The following RGS7 variants were observed in gnomAD, a reference collection of about 807,000 sequenced individuals.
RGS7 encodes the protein regulator of G protein signaling 7.
Under a neutral mutation model 81.1 loss-of-function variants are expected in RGS7, and 27 were observed. The ratio of observed to expected loss-of-function variants is 0.33; its 90% CI spans 0.25 to 0.46. The LOEUF is 0.46. RGS7 is among the 20% of genes least tolerant of loss of function. The probability of loss-of-function intolerance (pLI) is 1.00; values close to 1 mark genes in which losing one functional copy is unlikely to be tolerated. For synonymous variants in RGS7, 208 were observed against 207.7 expected (o/e 1.00, Z -0.01); for missense variants, 396 against 607.4 (o/e 0.65, Z 3.66).
At chr1:240,786,370 A>G (rs1685073029) in intron 18 of RGS7, among the ~76,000 whole-genome samples, 1 of 152,170 alleles carries the variant, frequency 6.6e-6, no homozygotes, top group Non-Finnish European at 1.5e-5. Context: ...ATTTTGTTCA[A>G]TTACCCATGT....
chr1:240,972,722 A>C (rs1027762383), intron 4 of RGS7, among the ~76,000 whole-genome samples: 71 of 139,632 alleles, frequency 5.1e-4, no homozygotes, highest in African/African-American at 1.6e-3. Flanking sequence ...AAAAAAAAAA[A>C]CCCAAAAAGG....
intron 2 of RGS7, among the ~76,000 whole-genome samples, chr1:241,198,386 G>GA (rs1215969797): frequency 6.6e-6 from 1 of 151,572 alleles, no homozygotes; most frequent in African/African-American, 2.4e-5. Context: ...CATAATAGAA[G>GA]AATAACTAAG....
chr1:240,904,021 TC>T (rs1670431180), intron 6 of RGS7, among the ~76,000 whole-genome samples: 1 of 152,162 alleles, frequency 6.6e-6, no homozygotes, highest in African/African-American at 2.4e-5. Flanking sequence ...CGCTATTCCT[TC>T]CTAGCAACAC....
chr1:241,345,259 AG>A (rs1407667769), intron 2 of RGS7, among the ~76,000 whole-genome samples: 1 of 152,182 alleles, frequency 6.6e-6, no homozygotes, highest in Non-Finnish European at 1.5e-5. Flanking sequence ...GAGAGAGGAG[AG>A]GATCAGGAAA....
intron 3 of RGS7, among the ~76,000 whole-genome samples, chr1:241,020,088 G>C (rs1487622028): frequency 6.6e-6 from 1 of 152,164 alleles, no homozygotes; most frequent in Non-Finnish European, 1.5e-5. Context: ...ATCTCTATGT[G>C]CATTAGTTTT....
intron 6 of RGS7, among the ~76,000 whole-genome samples, chr1:240,923,398 T>C (rs566579981): frequency 5.5e-4 from 83 of 152,212 alleles, no homozygotes; most frequent in African/African-American, 1.9e-3. Context: ...TTTTTAATTA[T>C]AGGGGAACGT....
intron 2 of RGS7, among the ~76,000 whole-genome samples, chr1:241,128,074 C>G (rs932467797): frequency 3.3e-5 from 5 of 150,280 alleles, no homozygotes; most frequent in East Asian, 2.0e-4. Context: ...GTCAGGAGAC[C>G]GAGACCATCC....
chr1:241,107,149 C>G (rs138349658), intron 2 of RGS7, among the ~76,000 whole-genome samples: 44 of 152,248 alleles, frequency 2.9e-4, no homozygotes, highest in Admixed American at 7.2e-4. Flanking sequence ...TGCTTACTGC[C>G]CCCTCCACTC....
At chr1:241,147,308 G>A (rs957028074) in intron 2 of RGS7, among the ~76,000 whole-genome samples, 1 of 152,192 alleles carries the variant, frequency 6.6e-6, no homozygotes, top group Non-Finnish European at 1.5e-5. Context: ...TTTGTAGCCA[G>A]TGTGATCATT....
At chr1:241,034,811 A>G (rs1481908253) in intron 3 of RGS7, among the ~76,000 whole-genome samples, 3 of 152,166 alleles carry the variant, frequency 2.0e-5, no homozygotes, top group African/African-American at 7.2e-5. Context: ...TGTTAAATAG[A>G]CTGAACAATG....
At chr1:240,920,301 C>G in intron 6 of RGS7, 5 of 1,396,198 alleles carry the variant, frequency 3.6e-6, no homozygotes, top group East Asian at 4.6e-5. Context: ...CAACTTTGGT[C>G]GTGGAGGAAA....
intron 4 of RGS7, among the ~76,000 whole-genome samples, chr1:240,982,620 A>G (rs573570891): frequency 1.3e-5 from 2 of 152,210 alleles, no homozygotes; most frequent in African/African-American, 2.4e-5. Flanking sequence ...TCTCTCACAC[A>G]CACACACCAT....
chr1:241,061,671 G>A (rs903428735), intron 3 of RGS7, among the ~76,000 whole-genome samples: 11 of 152,130 alleles, frequency 7.2e-5, no homozygotes, highest in South Asian at 2.1e-4. Flanking sequence ...AGAAGGCAGC[G>A]TCAAAAGGAG....
intron 3 of RGS7, among the ~76,000 whole-genome samples, chr1:241,032,290 T>G (rs1345147581): frequency 2.0e-5 from 3 of 152,198 alleles, no homozygotes; most frequent in Non-Finnish European, 4.4e-5. Flanking sequence ...ACTGCATGTA[T>G]GTAGCTTTAT....
chr1:240,940,616 G>A (rs917409818), intron 4 of RGS7, among the ~76,000 whole-genome samples: 2 of 152,160 alleles, frequency 1.3e-5, no homozygotes, highest in Non-Finnish European at 2.9e-5. Flanking sequence ...GCGGAGTATA[G>A]ATACAAGAAG....
intron 6 of RGS7, among the ~76,000 whole-genome samples, chr1:240,928,976 A>G (rs1002292243): frequency 1.3e-5 from 2 of 152,256 alleles, no homozygotes; most frequent in Admixed American, 6.5e-5. Context: ...TGACAAGCAC[A>G]AAACACTAAT....
At chr1:241,301,975 T>C (rs1289094177) in intron 2 of RGS7, among the ~76,000 whole-genome samples, 1 of 152,218 alleles carries the variant, frequency 6.6e-6, no homozygotes, top group Non-Finnish European at 1.5e-5. Context: ...TCAAATATGT[T>C]AGAAAATCAT....
chr1:241,229,188 A>G (rs2075501827), intron 2 of RGS7, among the ~76,000 whole-genome samples: 1 of 152,132 alleles, frequency 6.6e-6, no homozygotes, highest in Admixed American at 6.5e-5. Flanking sequence ...CCTCATTCCA[A>G]CTTTCTGATA....
At chr1:241,282,505 A>G (rs941346951) in intron 2 of RGS7, among the ~76,000 whole-genome samples, 3 of 152,204 alleles carry the variant, frequency 2.0e-5, no homozygotes, top group African/African-American at 4.8e-5. Context: ...TACATAGACA[A>G]TCACGTCATC....
Sources: allele counts gnomAD v4.1 joint callset (sites outside exome capture counted in the v4.1 genomes callset), GRCh38; gene constraint gnomAD v4.1.1; transcripts MANE v1.5; gene names NCBI Gene and HGNC (gene_info 2026-07-23, HGNC 2026-07-21).